PDE11A: variants seen among roughly 807,000 people sequenced by gnomAD.
PDE11A encodes phosphodiesterase 11A.
In PDE11A, 100 loss-of-function variants were observed where a neutral mutation model predicts 100.5. The observed-to-expected ratio is 1.00, with a 90% CI of 0.85 to 1.18. The LOEUF (loss-of-function observed/expected upper bound fraction) is 1.18. Ranked by LOEUF, PDE11A falls within the 50% of genes most tolerant of loss-of-function variation. PDE11A has a pLI of 0.00. For missense variants in PDE11A, 1,141 were observed against 1,152.6 expected, an observed-to-expected ratio of 0.99 and a Z score of 0.15; for synonymous variants, 381 against 420.8, an observed-to-expected ratio of 0.91 and a Z score of 1.16.
At chr2:177,804,582 A>C (rs2082841504) in intron 9 of PDE11A, among the ~76,000 whole-genome samples, 1 of 152,000 alleles carries the variant, frequency 6.6e-6, no homozygotes, top group African/African-American at 2.4e-5. Context: ...GTATATCCCC[A>C]AAAAGAAATA....
At chr2:177,942,436 CTTGT>C (rs2085356226) in intron 2 of PDE11A, among the ~76,000 whole-genome samples, 2 of 143,024 alleles carry the variant, frequency 1.4e-5, no homozygotes, top group Admixed American at 7.2e-5. Flanking sequence ...GAGTTTTGAT[CTTGT>C]TGCCCAGGCT....
chr2:177,796,745 A>C (rs2082712942), intron 9 of PDE11A, among the ~76,000 whole-genome samples: 1 of 152,198 alleles, frequency 6.6e-6, no homozygotes, highest in Non-Finnish European at 1.5e-5. Flanking sequence ...CACGGCTTTC[A>C]TAAGCCAATG....
chr2:177,638,832 G>A (rs2080094365), intron 19 of PDE11A, among the ~76,000 whole-genome samples: 1 of 152,200 alleles, frequency 6.6e-6, no homozygotes. Context: ...TAGCTGGCAG[G>A]AGCATGGACT....
chr2:177,678,160 A>G (rs944793231), intron 16 of PDE11A, among the ~76,000 whole-genome samples: 7 of 152,144 alleles, frequency 4.6e-5, no homozygotes, highest in Admixed American at 1.3e-4. Context: ...CTCAAGTTGT[A>G]TGTCTTCATC....
intron 9 of PDE11A, among the ~76,000 whole-genome samples, chr2:177,793,419 T>C (rs1324004466): frequency 6.6e-6 from 1 of 151,340 alleles, no homozygotes; most frequent in Non-Finnish European, 1.5e-5. Context: ...AACATGGCCC[T>C]GGTTGTGTAG....
In PDE11A at chr2:177,726,404, G is replaced by A. The variant is rs141599370; in HGVS notation, c.2043+1254C>T. 1.1e-4 allele frequency among the ~76,000 whole-genome samples: 17 copies of A among 152,220 alleles called. No homozygotes were observed. The East Asian group carries it at 2.5e-3, about 22-fold the overall frequency. On this transcript the variant is annotated intron_variant, in intron 12 of 19. Coordinates refer to ENST00000286063, the MANE Select transcript of PDE11A (RefSeq NM_016953.4). ...GCTGGTGTGACCCTCAATAAATGGT[G>A]GTTGAGCAAATAAGTAGATGCTGTT... is the stretch of plus-strand genomic sequence containing the variant.
At chr2:178,048,346 C>A (rs910132602) in intron 1 of PDE11A, among the ~76,000 whole-genome samples, 1 of 152,014 alleles carries the variant, frequency 6.6e-6, no homozygotes, top group East Asian at 1.9e-4. Flanking sequence ...GGGCTGGGGG[C>A]GCGGCATGAA....
At chr2:177,774,658 T>C (rs1360350360) in intron 9 of PDE11A, among the ~76,000 whole-genome samples, 1 of 152,260 alleles carries the variant, frequency 6.6e-6, no homozygotes, top group Non-Finnish European at 1.5e-5. Flanking sequence ...ACCATCGTTG[T>C]GTTGATAACT....
chr2:178,018,274 A>G, intron 1 of PDE11A: 1 of 408,352 alleles, frequency 2.4e-6, no homozygotes. Context: ...CTCCCTGGCT[A>G]CAGCCCTCAC....
chr2:177,783,333 T>G (rs2082481311), intron 9 of PDE11A, among the ~76,000 whole-genome samples: 1 of 152,210 alleles, frequency 6.6e-6, no homozygotes, highest in Non-Finnish European at 1.5e-5. Flanking sequence ...TTGTTATACT[T>G]CAGAAGTTCT....
At chr2:177,682,706 T>G (rs1008596711) in intron 15 of PDE11A, among the ~76,000 whole-genome samples, 1 of 151,858 alleles carries the variant, frequency 6.6e-6, no homozygotes, top group African/African-American at 2.4e-5. Context: ...ATGCTAGACT[T>G]AAGAGGTGCT....
chr2:177,877,581 A>G (rs1398831877), intron 4 of PDE11A, among the ~76,000 whole-genome samples: 1 of 152,148 alleles, frequency 6.6e-6, no homozygotes, highest in Non-Finnish European at 1.5e-5. Context: ...CCTTTCTGTG[A>G]TATGCGAATA....
intron 1 of PDE11A, among the ~76,000 whole-genome samples, chr2:178,059,378 G>T (rs2086939126): frequency 6.6e-6 from 1 of 152,136 alleles, no homozygotes; most frequent in Non-Finnish European, 1.5e-5. Context: ...TGACTCTATG[G>T]GGGCTTCCTG....
chr2:178,030,898 C>T (rs747103867), intron 1 of PDE11A, among the ~76,000 whole-genome samples: 15 of 151,898 alleles, frequency 9.9e-5, no homozygotes, highest in Non-Finnish European at 1.6e-4. Context: ...GCCAGTCTTG[C>T]TTATGAATGG....
intron 2 of PDE11A, among the ~76,000 whole-genome samples, chr2:178,088,241 C>A (rs879928754): frequency 6.6e-6 from 1 of 152,130 alleles, no homozygotes; most frequent in Non-Finnish European, 1.5e-5. Flanking sequence ...GCAAAGAAGA[C>A]AATTTGATTC....
rs564889509 is a variant in PDE11A, at chr2:177,897,994, T to G, written c.1302+64A>C. Reference sequence around the variant, plus strand: ...AGTCACAATTTCACAAGTTTAATTATAAATAAACTCAACTTTATTCCATTC... The same window carrying G: ...AGTCACAATTTCACAAGTTTAATTAGAAATAAACTCAACTTTATTCCATTC... On this transcript the variant is annotated intron_variant, in intron 4 of 19. Transcript: ENST00000286063. 25 of 1,323,080 alleles carry G rather than the reference T, an allele frequency of 1.9e-5. No individual in the cohort carries two copies. In the East Asian group the frequency reaches 5.5e-4, roughly 29 times the overall value. 82.0% of individuals were successfully genotyped at this position (1,323,080 alleles called of 1,614,324 possible).
chr2:178,082,079 C>T (rs2105879152), intron 2 of PDE11A, among the ~76,000 whole-genome samples: 1 of 152,306 alleles, frequency 6.6e-6, no homozygotes, highest in Middle Eastern at 3.4e-3. Context: ...CTCAATTTCC[C>T]TTTTGCATAT....
At chr2:177,750,545 G>A (rs140543393) in intron 10 of PDE11A, among the ~76,000 whole-genome samples, 2 of 152,310 alleles carry the variant, frequency 1.3e-5, no homozygotes, top group Non-Finnish European at 2.9e-5. Context: ...CCTTTCTTTT[G>A]ACAATGTGAG....
intron 2 of PDE11A, among the ~76,000 whole-genome samples, chr2:177,991,504 A>G (rs1031360650): frequency 4.0e-5 from 6 of 149,890 alleles, no homozygotes; most frequent in Admixed American, 3.4e-4. Context: ...GCGTGGTGGC[A>G]GGCACTTGTA....
Sources: allele counts gnomAD v4.1 joint callset (sites outside exome capture counted in the v4.1 genomes callset), GRCh38; gene constraint gnomAD v4.1.1; transcripts MANE v1.5; gene names NCBI Gene and HGNC (gene_info 2026-07-23, HGNC 2026-07-21).